MEI1: variants seen among roughly 807,000 people sequenced by gnomAD.
The protein encoded by MEI1 is meiotic double-stranded break formation protein 1, also known as meiosis inhibitor protein 1.
MEI1 carries 103 observed loss-of-function variants against 146.2 expected under a neutral mutation model. The observed-to-expected ratio is 0.70, with a 90% CI of 0.60 to 0.83. The LOEUF is 0.83. Among genes scored for constraint, MEI1 ranks in the 40% least tolerant of loss-of-function variants. The pLI, the probability that MEI1 is intolerant of heterozygous loss-of-function variation, is 0.00. For synonymous variants in MEI1, 652 were observed against 628.2 expected (o/e 1.04, Z -0.57); for missense variants, 1,529 against 1,533.0 (o/e 1.00, Z 0.04).
In MEI1 at chr22:41,699,567, G is replaced by T; in HGVS notation, c.29G>T (p.Gly10Val). The part of the protein sequence containing the change: MAVRQAATA[G>V]TPGPRREEEA... The stretch of plus-strand genomic sequence containing the variant: ...GCTGTGAGGCAGGCGGCGACGGCGG[G>T]CACTCCCGGGCCCAGGAGAGAGGAA... Residue 10 changes from glycine (G) to valine (V), a missense_variant, in exon 1 of 31, where the codon GGC (glycine) becomes GTC (valine). Gly to Val is a moderately radical substitution (Grantham distance 109). Transcript: ENST00000401548. 6.2e-7 allele frequency: 1 copy of T among 1,612,130 alleles called. No homozygotes were observed. Among genetic ancestry groups the T allele is most frequent in the South Asian group, 1.1e-5 (1 of 90,978 alleles).
At chr22:41,751,781 A>AG (rs1489882057) in intron 15 of MEI1, among the ~76,000 whole-genome samples, 1 of 144,776 alleles carries the variant, frequency 6.9e-6, no homozygotes, top group Non-Finnish European at 1.5e-5. Context: ...TTAAAAAAAA[A>AG]AAAAAAAAGG....
At chr22:41,797,985 C>T (rs183670242) in intron 30 of MEI1, among the ~76,000 whole-genome samples, 1 of 152,134 alleles carries the variant, frequency 6.6e-6, no homozygotes, top group Non-Finnish European at 1.5e-5. Context: ...GCTAGTGATA[C>T]AATCAGGATT....
chr22:41,761,014 G>A (rs2074451962), intron 18 of MEI1, among the ~76,000 whole-genome samples: 1 of 152,040 alleles, frequency 6.6e-6, no homozygotes. Flanking sequence ...CAATATGAGA[G>A]GGTCTGTCTC....
chr22:41,718,320 T>C, intron 6 of MEI1, 46 bp downstream of exon 6: 1 of 1,578,548 alleles, frequency 6.3e-7, no homozygotes, highest in Non-Finnish European at 8.6e-7. Context: ...GTTTTTGACA[T>C]TTTGCTAGAA....
At chr22:41,713,553 T>G (rs1028647402) in intron 3 of MEI1, among the ~76,000 whole-genome samples, 1 of 152,124 alleles carries the variant, frequency 6.6e-6, no homozygotes, top group Non-Finnish European at 1.5e-5. Context: ...TGTTTTGTTT[T>G]GTTTTGTTTT....
At chr22:41,699,735 A>G (rs2068546556) in intron 1 of MEI1, 23 bp downstream of exon 1, 4 of 1,537,694 alleles carry the variant, frequency 2.6e-6, no homozygotes, top group Non-Finnish European at 3.5e-6. Flanking sequence ...CCTTTTCTTC[A>G]GAAGACCTGG....
At chr22:41,786,035 C>A (rs1182331543) in intron 26 of MEI1, among the ~76,000 whole-genome samples, 2 of 147,234 alleles carry the variant, frequency 1.4e-5, no homozygotes, top group African/African-American at 5.0e-5. Flanking sequence ...CTCAGCCTCC[C>A]GAGTAGCTGG....
chr22:41,721,089 A>G lies in MEI1; in HGVS notation c.733+2815A>G, dbSNP rs192851721. On this transcript the variant is annotated intron_variant, in intron 6 of 30. Transcript: ENST00000401548. Reference sequence around the variant, plus strand: ...CCACTGCGCCCAGCCTTTTTTTTGTATTTTTAGTAGAGATGGGGTTTCACC... The same window carrying G: ...CCACTGCGCCCAGCCTTTTTTTTGTGTTTTTAGTAGAGATGGGGTTTCACC... 4.6e-5 allele frequency among the ~76,000 whole-genome samples: 6 copies of G among 129,536 alleles called. No homozygotes were observed. In the East Asian group the frequency reaches 1.4e-3, roughly 31 times the overall value. The allele number at this position is 129,536 out of a possible 152,430, so 85.0% of individuals were successfully genotyped here.
In MEI1 at chr22:41,763,187, G is replaced by A; in HGVS notation, c.2134G>A (p.Ala712Thr). 1.9e-6 allele frequency: 3 copies of A among 1,613,886 alleles called. No individual in the cohort carries two copies. The highest frequency in any genetic ancestry group is 2.5e-6 in the Non-Finnish European group (3 of 1,179,834). The change falls in exon 19 of 31, where the codon GCA becomes ACA. Residue 712 changes from alanine (A) to threonine (T), a missense_variant. Ala to Thr is a moderately conservative substitution (Grantham distance 58, BLOSUM62 0). Transcript: ENST00000401548. ...CTTGGTTGACAGGTTTGTCTCAGAG[G>A]CAGAGTTATTTGAGGCTGTGCAAAG... Reference protein sequence around the residue: ...YIHEDRFVSEAELFEAVQSFL... With the variant: ...YIHEDRFVSETELFEAVQSFL...
Position 41,795,459 on chromosome 22 carries a change from G to A in MEI1, c.3583G>A (p.Asp1195Asn). ...TGTCCTCTCTCATGAAGAGGTGGGT[G>A]ATGTTCTGCAAGGTGTGGCTTTGGC... is the stretch of plus-strand genomic sequence containing the variant. ...SSVLSHEEVG[D>N]VLQGVALADL... The change falls in exon 29 of 31, where the codon GAT (aspartate) becomes AAT (asparagine). Residue 1195 changes from aspartate to asparagine, a missense_variant. By Grantham distance (23) the Asp-to-Asn change is conservative. Coordinates refer to ENST00000401548, the MANE Select transcript of MEI1 (RefSeq NM_152513.4). This position sits in a 1 kb window ranked among gnomAD's most constrained non-coding sequence, Gnocchi z 4.2. 2 of 1,613,756 alleles carry A rather than the reference G, an allele frequency of 1.2e-6. No homozygotes were observed. The highest frequency in any genetic ancestry group is 8.5e-7 in the Non-Finnish European group (1 of 1,179,838).
intron 7 of MEI1, among the ~76,000 whole-genome samples, chr22:41,725,305 G>A (rs556512961): frequency 1.2e-4 from 18 of 151,816 alleles, no homozygotes; most frequent in Non-Finnish European, 2.2e-4. Context: ...GAAGAGACGG[G>A]GCTTCACCAT....
intron 18 of MEI1, among the ~76,000 whole-genome samples, chr22:41,760,567 C>T (rs2074417475): frequency 6.6e-6 from 1 of 151,984 alleles, no homozygotes; most frequent in Admixed American, 6.6e-5. Context: ...TAGGACGAGC[C>T]GTAGACAGAA....
chr22:41,798,985 G>C (rs1479099637), intron 30 of MEI1, among the ~76,000 whole-genome samples: 1 of 152,062 alleles, frequency 6.6e-6, no homozygotes, highest in Non-Finnish European at 1.5e-5. Context: ...CTGCAGTCCA[G>C]AGGTGTGTGT....
In MEI1 at chr22:41,784,786, A is replaced by G. The variant is rs2075893798; in HGVS notation, c.3345+3A>G. ...GGCTGCAGAACCTCCTGGTGCAGGT[A>G]AGGCCCTTGCTGAGTGGGGCTTGCT... On this transcript the variant is annotated splice_donor_region_variant and intron_variant, in intron 26 of 30. Coordinates refer to ENST00000401548, the MANE Select transcript of MEI1 (RefSeq NM_152513.4). The G allele has an allele frequency of 6.3e-7, 1 of 1,599,544 alleles. No homozygotes were observed. The highest frequency in any genetic ancestry group is 1.3e-5 in the African/African-American group (1 of 74,650).
intron 30 of MEI1, among the ~76,000 whole-genome samples, chr22:41,797,364 C>A (rs1215424313): frequency 6.6e-6 from 1 of 152,012 alleles, no homozygotes; most frequent in African/African-American, 2.4e-5. Context: ...GTAATCCTAG[C>A]ACTTTGGGAG....
At chr22:41,708,528 C>T (rs1405743779) in intron 3 of MEI1, among the ~76,000 whole-genome samples, 3 of 152,116 alleles carry the variant, frequency 2.0e-5, no homozygotes, top group Non-Finnish European at 4.4e-5. Context: ...AACTTTCAAA[C>T]TCCCGTCTTC....
intron 5 of MEI1, 89 bp downstream of exon 5, chr22:41,716,235 G>A (rs2070139600): frequency 1.2e-6 from 1 of 855,868 alleles, no homozygotes; most frequent in Admixed American, 2.3e-5. Flanking sequence ...CTGTACACCT[G>A]GGAAGTCATT....
chr22:41,740,123 G>A (rs1351444079), intron 11 of MEI1, among the ~76,000 whole-genome samples: 6 of 151,860 alleles, frequency 4.0e-5, no homozygotes, highest in African/African-American at 1.5e-4. Context: ...AGGTTCAAAC[G>A]ATTCTCCTGC....
At chr22:41,791,267 G>T (rs886641933) in intron 26 of MEI1, among the ~76,000 whole-genome samples, 1 of 152,068 alleles carries the variant, frequency 6.6e-6, no homozygotes, top group East Asian at 1.9e-4. Flanking sequence ...TGGGTGGATT[G>T]CTTGAGTCTA....
Sources: gnomAD v4.1 joint callset for allele counts (sites outside exome capture counted in the v4.1 genomes callset) on GRCh38, gnomAD v4.1.1 for gene constraint, Gnocchi (gnomAD v3.1) non-coding constraint, MANE v1.5 for transcripts, NCBI Gene and HGNC (gene_info 2026-07-23, HGNC 2026-07-21) for gene names.